ADGRG7: variants seen among roughly 807,000 people sequenced by gnomAD.
The protein encoded by ADGRG7 is G-protein coupled receptor 128.
In ADGRG7, 82 loss-of-function variants were observed where a neutral mutation model predicts 88.6. The ratio of observed to expected loss-of-function variants is 0.93; its 90% CI spans 0.77 to 1.11. ADGRG7 has a LOEUF of 1.11. Ranked by LOEUF, ADGRG7 falls within the 50% of genes most tolerant of loss-of-function variation. The probability of loss-of-function intolerance (pLI) is 0.00; values close to 1 mark genes in which losing one functional copy is unlikely to be tolerated. For missense variants in ADGRG7, 945 were observed against 953.4 expected (o/e 0.99, Z 0.12); for synonymous variants, 381 against 345.2 (o/e 1.10, Z -1.15).
chr3:100,623,097 G>A (rs1009745852), intron 1 of ADGRG7, among the ~76,000 whole-genome samples: 3 of 151,996 alleles, frequency 2.0e-5, no homozygotes, highest in Non-Finnish European at 2.9e-5. Context: ...GATGACAGGA[G>A]TTTTTAATTT....
chr3:100,645,920 T>C, intron 8 of ADGRG7, 25 bp from the exon 9 acceptor site: 1 of 1,601,524 alleles, frequency 6.2e-7, no homozygotes, highest in East Asian at 2.2e-5. Flanking sequence ...CACTTATTGA[T>C]TTTAATGTCT....
intron 15 of ADGRG7, among the ~76,000 whole-genome samples, chr3:100,687,585 A>G (rs1559693361): frequency 1.3e-5 from 2 of 152,030 alleles, no homozygotes; most frequent in South Asian, 2.1e-4. Flanking sequence ...TTTTAGCACG[A>G]AGGGTTGTTG....
chr3:100,629,498 A>G, intron 1 of ADGRG7, 100 bp from the exon 2 acceptor site: 1 of 706,568 alleles, frequency 1.4e-6, no homozygotes. Flanking sequence ...AATGATACTC[A>G]AAGCAGTGGT....
chr3:100,666,367 T>C (rs572019172), intron 14 of ADGRG7, among the ~76,000 whole-genome samples: 4 of 152,222 alleles, frequency 2.6e-5, no homozygotes, highest in African/African-American at 9.6e-5. Context: ...GGTCACAAGA[T>C]AATAGTGGGG....
intron 1 of ADGRG7, among the ~76,000 whole-genome samples, chr3:100,618,159 T>C (rs1707252461): frequency 6.6e-6 from 1 of 152,216 alleles, no homozygotes; most frequent in Non-Finnish European, 1.5e-5. Flanking sequence ...TCTCCCATTC[T>C]GTAGGTTGCC....
chr3:100,684,275 A>ATTT (rs2094978513), intron 15 of ADGRG7, among the ~76,000 whole-genome samples: 1 of 150,978 alleles, frequency 6.6e-6, no homozygotes, highest in Non-Finnish European at 1.5e-5. Context: ...TTATTTATTT[A>ATTT]TTTATTGAGA....
In ADGRG7 at chr3:100,655,561, G is replaced by T. The variant is rs187849362; in HGVS notation, c.1727-338G>T. ...CAAAAATATTTGAAAAATTTATTGGGTTCCAGCAAAGGAAGACTTGTTTCA... is the reference window on the plus strand; with the variant it reads ...CAAAAATATTTGAAAAATTTATTGGTTTCCAGCAAAGGAAGACTTGTTTCA... On this transcript the variant is annotated intron_variant, in intron 12 of 15. Transcript: ENST00000273352. Among the ~76,000 whole-genome samples the T allele has an allele frequency of 4.0e-3, 606 of 152,236 alleles. 3 individuals carry two copies. The highest frequency in any genetic ancestry group is 4.9e-3 in the Non-Finnish European group (332 of 68,010).
chr3:100,626,424 C>T (rs769391564), intron 1 of ADGRG7, among the ~76,000 whole-genome samples: 1 of 152,166 alleles, frequency 6.6e-6, no homozygotes, highest in African/African-American at 2.4e-5. Flanking sequence ...GGAGAATAGA[C>T]ACCTTAGCAA....
intron 15 of ADGRG7, among the ~76,000 whole-genome samples, chr3:100,688,953 A>G (rs571757224): frequency 2.6e-5 from 4 of 152,120 alleles, no homozygotes; most frequent in Non-Finnish European, 5.9e-5. Flanking sequence ...TGTCTTGTTG[A>G]TCCATCTAAT....
Position 100,638,846 on chromosome 3 carries a change from G to A in ADGRG7, c.698+1444G>A, listed in dbSNP as rs568310537. On this transcript the variant is annotated intron_variant, in intron 6 of 15. Transcript: ENST00000273352. Reference sequence around the variant, plus strand: ...TAGAGGCCCCTTGTTGGTATTCACTGTATTTTTACCTTATGCACACTTGTC... The same window carrying A: ...TAGAGGCCCCTTGTTGGTATTCACTATATTTTTACCTTATGCACACTTGTC... Among the ~76,000 whole-genome samples, 3 of 152,228 alleles carry A rather than the reference G, an allele frequency of 2.0e-5. 1 individual carries two copies. Among genetic ancestry groups the A allele is most frequent in the African/African-American group, 7.2e-5 (3 of 41,554 alleles).
chr3:100,678,149 T>C (rs2094968070), intron 15 of ADGRG7, among the ~76,000 whole-genome samples: 2 of 152,066 alleles, frequency 1.3e-5, no homozygotes, highest in Non-Finnish European at 2.9e-5. Flanking sequence ...CTGTGTATTT[T>C]CAAATAGCCT....
chr3:100,684,655 T>A (rs572266788), intron 15 of ADGRG7, among the ~76,000 whole-genome samples: 48 of 152,258 alleles, frequency 3.2e-4, no homozygotes, highest in Non-Finnish European at 3.4e-4. Flanking sequence ...TATTGTGTTA[T>A]CTTAGTTTTT....
intron 15 of ADGRG7, among the ~76,000 whole-genome samples, chr3:100,686,832 T>G (rs1288486689): frequency 1.3e-5 from 2 of 152,242 alleles, no homozygotes; most frequent in Non-Finnish European, 2.9e-5. Context: ...TTTGTTCTTT[T>G]GGCTTAGGAT....
chr3:100,667,253 A>G (rs1411105072), intron 14 of ADGRG7, among the ~76,000 whole-genome samples: 2 of 152,064 alleles, frequency 1.3e-5, no homozygotes, highest in African/African-American at 2.4e-5. Flanking sequence ...ATAGGTATAC[A>G]TGTGCCATGG....
chr3:100,695,317 T>C lies in ADGRG7; in HGVS notation c.*316T>C, dbSNP rs2095000594. On this transcript the variant is annotated 3_prime_UTR_variant, in exon 16 of 16. Transcript: ENST00000273352. ...AACCTATAACAAATTCTTTTACAAG[T>C]TACTATAAAGGACACAAAGAGAAAA... The C allele has an allele frequency of 4.0e-6, 1 of 249,784 alleles. No individual in the cohort carries two copies. The highest frequency in any genetic ancestry group is 7.2e-5 in the South Asian group (1 of 13,918). 15.5% of individuals were successfully genotyped at this position (249,784 alleles called of 1,614,324 possible).
intron 15 of ADGRG7, among the ~76,000 whole-genome samples, chr3:100,670,808 G>A (rs2094957431): frequency 6.6e-6 from 1 of 152,034 alleles, no homozygotes; most frequent in South Asian, 2.1e-4. Context: ...GAGAACATGT[G>A]GTGTTTGGTT....
Position 100,646,006 on chromosome 3 carries a change from T to C in ADGRG7, c.1008T>C (p.Thr336=). ...YQNDKLFQSK[T]FTAKSDFSQK... The stretch of plus-strand genomic sequence containing the variant: ...ATGACAAGCTTTTCCAATCAAAAAC[T>C]TTTACAGCTAAATCGGATTTTAGTC... The change falls in exon 9 of 16, where the codon ACT becomes ACC. Residue 336 remains threonine (T), a synonymous_variant. Transcript: ENST00000273352. 6.2e-7 allele frequency: 1 copy of C among 1,614,054 alleles called. No homozygotes were observed. The highest frequency in any genetic ancestry group is 8.5e-7 in the Non-Finnish European group (1 of 1,179,974).
rs552459084 is a variant in ADGRG7, at chr3:100,630,621, A to G, written c.230-84A>G. On this transcript the variant is annotated intron_variant, in intron 2 of 15. Transcript: ENST00000273352. ...TCTATTGCCTTTCAAATTTCACTGC[A>G]TAGGTTCTGACCTTTGACTTTTATC... is the stretch of plus-strand genomic sequence containing the variant. 3.1e-4 allele frequency: 167 copies of G among 541,444 alleles called. 1 individual carries two copies. Among genetic ancestry groups the G allele is most frequent in the Admixed American group, 4.8e-4 (11 of 23,008 alleles). The allele number at this position is 541,444 out of a possible 1,614,324, so 33.5% of individuals were successfully genotyped here. A position where few individuals can be genotyped will look rare whatever the true frequency, so the allele number is the denominator to read the frequency against.
intron 14 of ADGRG7, among the ~76,000 whole-genome samples, chr3:100,667,053 T>C (rs909134807): frequency 4.0e-4 from 61 of 152,238 alleles, no homozygotes; most frequent in Middle Eastern, 3.4e-3. Flanking sequence ...TACTTCTTTC[T>C]ATACAGACAC....
Sources: gnomAD v4.1 joint callset for allele counts (sites outside exome capture counted in the v4.1 genomes callset) on GRCh38, gnomAD v4.1.1 for gene constraint, MANE v1.5 for transcripts, NCBI Gene and HGNC (gene_info 2026-07-23, HGNC 2026-07-21) for gene names.